The following FARS2 variants were observed in gnomAD, a reference collection of about 807,000 sequenced individuals.
The protein encoded by FARS2 is phenylalanine--tRNA ligase, mitochondrial.
In FARS2, 40 loss-of-function variants were observed where a neutral mutation model predicts 46.4. The ratio of observed to expected loss-of-function variants is 0.86; its 90% confidence interval spans 0.67 to 1.12. The LOEUF is 1.12. Ranked by LOEUF, FARS2 falls within the 50% of genes most tolerant of loss-of-function variation. The pLI is 0.00. For synonymous variants in FARS2, 234 were observed against 214.9 expected (o/e 1.09, Z -0.78); for missense variants, 513 against 567.9 (o/e 0.90, Z 0.98).
intron 1 of FARS2, among the ~76,000 whole-genome samples, chr6:5,306,578 T>A (rs958368628): frequency 1.3e-5 from 2 of 152,188 alleles, no homozygotes; most frequent in Admixed American, 1.3e-4. Flanking sequence ...GGATTAGAAA[T>A]GCTTGTCCTT....
chr6:5,767,790 G>A (rs990589220), intron 6 of FARS2, among the ~76,000 whole-genome samples: 26 of 152,178 alleles, frequency 1.7e-4, no homozygotes, highest in African/African-American at 5.6e-4. Flanking sequence ...CTGCTGCTGC[G>A]CTGTTACTGA....
At position 5,619,992 on chromosome 6, in the gene FARS2, A is replaced by G. The variant is rs1398841274; in HGVS notation, c.1217+6672A>G. 3.3e-5 allele frequency among the ~76,000 whole-genome samples: 5 copies of G among 152,052 alleles called. No individual in the cohort carries two copies. In the East Asian group the frequency reaches 9.7e-4, roughly 29 times the overall value. ...TTTCCCAATCATGACTGTTTTCCATATGTGCGCATCAGACGAGTTTTCGGC... is the reference window on the plus strand; with the variant it reads ...TTTCCCAATCATGACTGTTTTCCATGTGTGCGCATCAGACGAGTTTTCGGC... On this transcript the variant is annotated intron_variant, in intron 6 of 6. Coordinates refer to ENST00000274680, the MANE Select transcript of FARS2 (RefSeq NM_006567.5).
chr6:5,340,937 G>A (rs1771512283), intron 1 of FARS2, among the ~76,000 whole-genome samples: 1 of 151,718 alleles, frequency 6.6e-6, no homozygotes, highest in East Asian at 1.9e-4. Context: ...CACAAGGTCA[G>A]AAGTTTGAGA....
At chr6:5,356,938 A>AT (rs34837301) in intron 1 of FARS2, among the ~76,000 whole-genome samples, 1,841 of 148,328 alleles carry the variant, frequency 0.012, 32 homozygotes, top group African/African-American at 0.042. Context: ...GTGGAGGGCT[A>AT]TTTTTTTTTT....
chr6:5,692,233 C>T (rs570542643), intron 6 of FARS2, among the ~76,000 whole-genome samples: 7 of 152,314 alleles, frequency 4.6e-5, no homozygotes, highest in African/African-American at 9.6e-5. Context: ...GAGATGAACC[C>T]GGTACCTCAG....
intron 1 of FARS2, among the ~76,000 whole-genome samples, chr6:5,353,819 A>AT (rs1395782833): frequency 2.9e-5 from 4 of 137,606 alleles, no homozygotes; most frequent in African/African-American, 8.2e-5. Context: ...GTTTGCAGAC[A>AT]TTTTTTTCTC....
chr6:5,414,528 GCTT>G (rs1762109242), intron 3 of FARS2, among the ~76,000 whole-genome samples: 1 of 152,042 alleles, frequency 6.6e-6, no homozygotes, highest in Non-Finnish European at 1.5e-5. Context: ...GTATTCTCTG[GCTT>G]CTTTCACTCA....
chr6:5,500,733 A>C (rs1767741490), intron 4 of FARS2, among the ~76,000 whole-genome samples: 1 of 151,978 alleles, frequency 6.6e-6, no homozygotes, highest in Non-Finnish European at 1.5e-5. Context: ...TTGCTACCTT[A>C]CATTTTTTTT....
chr6:5,628,479 C>A (rs1776140997), intron 6 of FARS2, among the ~76,000 whole-genome samples: 1 of 152,220 alleles, frequency 6.6e-6, no homozygotes, highest in South Asian at 2.1e-4. Context: ...AGTAAGGGAG[C>A]CTCCACGTTG....
At position 5,346,474 on chromosome 6, in the gene FARS2, GCA is replaced by G. The variant is rs1757235844; in HGVS notation, c.-21-22075_-21-22074del. On this transcript the variant is annotated intron_variant, in intron 1 of 6. Coordinates refer to ENST00000274680, the MANE Select transcript of FARS2 (RefSeq NM_006567.5). ...TGCCTGTTTCACTTTCAGCCCCTGA[GCA>G]TCCCCTGAGGTATCCATAGAGCCCC... Among the ~76,000 whole-genome samples, 3 of 152,140 alleles carry G rather than the reference GCA, an allele frequency of 2.0e-5. No individual in the cohort carries two copies. The South Asian group carries it at 6.2e-4, about 32-fold the overall frequency.
intron 5 of FARS2, among the ~76,000 whole-genome samples, chr6:5,549,769 T>C (rs1004486764): frequency 1.3e-5 from 2 of 152,194 alleles, no homozygotes; most frequent in African/African-American, 2.4e-5. Flanking sequence ...AGGACGTAGA[T>C]ATCTTTGGGT....
chr6:5,311,830 C>T lies in FARS2; in HGVS notation c.-22+50170C>T, dbSNP rs1769097674. Among the ~76,000 whole-genome samples the T allele has an allele frequency of 6.6e-6, 1 of 152,156 alleles. No homozygotes were observed. The highest frequency in any genetic ancestry group is 2.1e-4 in the South Asian group (1 of 4,826). ...GTCAAAAATGAGAGATAAAAAGCCACTCACAGATTCCTTTGTTCCACAACT... is the reference window on the plus strand; with the variant it reads ...GTCAAAAATGAGAGATAAAAAGCCATTCACAGATTCCTTTGTTCCACAACT... On this transcript the variant is annotated intron_variant, in intron 1 of 6. Coordinates refer to ENST00000274680, the MANE Select transcript of FARS2 (RefSeq NM_006567.5). The surrounding 1 kb of genome is among the most constrained non-coding windows in gnomAD (Gnocchi z 4.1).
At chr6:5,424,685 T>A (rs1192879987) in intron 3 of FARS2, among the ~76,000 whole-genome samples, 1 of 152,100 alleles carries the variant, frequency 6.6e-6, no homozygotes. Context: ...GAAAGGGAGG[T>A]AAGTGAGACT....
At chr6:5,586,766 GA>G (rs1237165720) in intron 5 of FARS2, among the ~76,000 whole-genome samples, 3 of 152,098 alleles carry the variant, frequency 2.0e-5, no homozygotes, top group Admixed American at 6.5e-5. Context: ...GGGATAGTTT[GA>G]GAAGGGTTGT....
intron 5 of FARS2, among the ~76,000 whole-genome samples, chr6:5,602,114 G>A (rs1029643109): frequency 6.6e-6 from 1 of 152,172 alleles, no homozygotes; most frequent in African/African-American, 2.4e-5. Flanking sequence ...GACTAGCCTG[G>A]AAAAATTTGC....
At position 5,402,510 on chromosome 6, in the gene FARS2, G is replaced by C. The variant is rs1013189622; in HGVS notation, c.613-2032G>C. Among the ~76,000 whole-genome samples the C allele has an allele frequency of 2.0e-5, 3 of 151,774 alleles. No homozygotes were observed. The East Asian group carries it at 5.8e-4, about 29-fold the overall frequency. ...TGAATTTATTTGTCGTTCCTTTTTG[G>C]TTGTGTAAAAGACTTCCTTAGTCTC... On this transcript the variant is annotated intron_variant, in intron 2 of 6. Transcript: ENST00000274680.
chr6:5,721,120 C>T (rs1223249033), intron 6 of FARS2, among the ~76,000 whole-genome samples: 1 of 152,014 alleles, frequency 6.6e-6, no homozygotes, highest in African/African-American at 2.4e-5. Flanking sequence ...TTAAACATAT[C>T]AATAATAAAA....
At chr6:5,594,753 G>T (rs1055354774) in intron 5 of FARS2, among the ~76,000 whole-genome samples, 2 of 152,154 alleles carry the variant, frequency 1.3e-5, no homozygotes, top group Non-Finnish European at 2.9e-5. Flanking sequence ...GGAGGGACCC[G>T]TGGGGCTGGG....
At chr6:5,498,728 T>C (rs1453804351) in intron 4 of FARS2, among the ~76,000 whole-genome samples, 1 of 152,230 alleles carries the variant, frequency 6.6e-6, no homozygotes, top group Non-Finnish European at 1.5e-5. Flanking sequence ...TTAGTCACTT[T>C]TCAGATTGAA....
Sources: allele counts gnomAD v4.1 joint callset (sites outside exome capture counted in the v4.1 genomes callset), GRCh38; gene constraint gnomAD v4.1.1; non-coding constraint Gnocchi (gnomAD v3.1); transcripts MANE v1.5; gene names NCBI Gene and HGNC (gene_info 2026-07-23, HGNC 2026-07-21).